CDH18: variants seen among roughly 807,000 people sequenced by gnomAD.
CDH18 encodes cadherin-18.
Under a neutral mutation model 67.9 loss-of-function variants are expected in CDH18, and 31 were observed. The ratio of observed to expected loss-of-function variants is 0.46; its 90% confidence interval spans 0.34 to 0.62. The LOEUF (loss-of-function observed/expected upper bound fraction) is 0.62, where lower values mean the gene tolerates loss of function less well. Among genes scored for constraint, CDH18 ranks in the 20% least tolerant of loss-of-function variants. The pLI is 0.01. For missense variants in CDH18, 890 were observed against 975.5 expected (o/e 0.91, Z 1.17); for synonymous variants, 362 against 347.2 (o/e 1.04, Z -0.48).
At chr5:19,795,028 T>TCCCA (rs1227598764) in intron 3 of CDH18, among the ~76,000 whole-genome samples, 1 of 152,014 alleles carries the variant, frequency 6.6e-6, no homozygotes, top group Non-Finnish European at 1.5e-5. Flanking sequence ...GTGTTTCCTG[T>TCCCA]CCCACAACCT....
At chr5:19,866,466 G>A (rs1395898533) in intron 2 of CDH18, among the ~76,000 whole-genome samples, 1 of 152,166 alleles carries the variant, frequency 6.6e-6, no homozygotes, top group African/African-American at 2.4e-5. Context: ...ATGCAGCTGG[G>A]TTTTGTCAGA....
chr5:19,748,135 A>AAAAAAAAAAAAAAAAAG (rs1770360306), intron 3 of CDH18, among the ~76,000 whole-genome samples: 1 of 135,492 alleles, frequency 7.4e-6, no homozygotes, highest in Non-Finnish European at 1.6e-5. Flanking sequence ...AAAAAAAAAG[A>AAAAAAAAAAAAAAAAAG]GTACTTTTTT....
chr5:20,103,445 T>A (rs1460824792), intron 2 of CDH18, among the ~76,000 whole-genome samples: 1 of 151,672 alleles, frequency 6.6e-6, no homozygotes, highest in African/African-American at 2.4e-5. Flanking sequence ...CATAAAAATA[T>A]ACTGGCGCAG....
intron 1 of CDH18, among the ~76,000 whole-genome samples, chr5:20,418,270 T>C (rs1472440027): frequency 2.1e-5 from 3 of 145,366 alleles, no homozygotes; most frequent in Admixed American, 6.9e-5. Context: ...TTTTTTTGTA[T>C]TTTCAGTAGA....
chr5:20,109,344 G>A (rs1475548754), intron 2 of CDH18, among the ~76,000 whole-genome samples: 1 of 152,130 alleles, frequency 6.6e-6, no homozygotes, highest in East Asian at 1.9e-4. Context: ...TTTCATTATC[G>A]GCAACATGCA....
At chr5:19,774,736 TG>T (rs1170099121) in intron 3 of CDH18, among the ~76,000 whole-genome samples, 1 of 132,216 alleles carries the variant, frequency 7.6e-6, no homozygotes, top group Non-Finnish European at 1.5e-5. Flanking sequence ...ACAGGAGAAT[TG>T]AAGTGGAGTT....
intron 12 of CDH18, among the ~76,000 whole-genome samples, chr5:19,481,353 C>G (rs563103599): frequency 6.6e-6 from 1 of 152,254 alleles, no homozygotes; most frequent in East Asian, 1.9e-4. Context: ...ATGCAGGTAT[C>G]TACATTATCA....
rs1490607980 is a variant in CDH18 at position 20,333,573 on chromosome 5, A to G, written c.-579-78068T>C. Among the ~76,000 whole-genome samples the G allele has an allele frequency of 3.3e-5, 5 of 150,334 alleles. No individual in the cohort carries two copies. In the East Asian group the frequency reaches 9.7e-4, roughly 29 times the overall value. On this transcript the variant is annotated intron_variant, in intron 1 of 14. Transcript: ENST00000507958. The stretch of plus-strand genomic sequence containing the variant: ...CACATATATGTATATATATATATTT[A>G]TATATATCTTTCATGTTTATAAAGG...
At chr5:20,206,184 A>C (rs887936727) in intron 2 of CDH18, among the ~76,000 whole-genome samples, 3 of 151,904 alleles carry the variant, frequency 2.0e-5, no homozygotes, top group African/African-American at 7.2e-5. Context: ...AAATGCAAAA[A>C]TCATTAGACA....
chr5:19,514,410 G>A (rs375415094), intron 10 of CDH18, among the ~76,000 whole-genome samples: 2 of 152,160 alleles, frequency 1.3e-5, no homozygotes, highest in Non-Finnish European at 2.9e-5. Flanking sequence ...AGATCCTTGA[G>A]GAATCTCCAC....
At chr5:20,296,556 C>A (rs924740630) in intron 1 of CDH18, among the ~76,000 whole-genome samples, 1 of 152,046 alleles carries the variant, frequency 6.6e-6, no homozygotes, top group African/African-American at 2.4e-5. Flanking sequence ...CCACCGCCCC[C>A]GGCCCACTAA....
chr5:19,574,808 C>T (rs991328418), intron 7 of CDH18, among the ~76,000 whole-genome samples: 2 of 151,672 alleles, frequency 1.3e-5, no homozygotes, highest in Non-Finnish European at 2.9e-5. Context: ...TTTGGGAGGC[C>T]GAGGTGGGCG....
intron 1 of CDH18, among the ~76,000 whole-genome samples, chr5:20,409,007 A>G (rs879364986): frequency 1.3e-5 from 2 of 151,906 alleles, no homozygotes; most frequent in Admixed American, 6.6e-5. Context: ...ATAAAAGAAT[A>G]AATTGACTAG....
intron 1 of CDH18, among the ~76,000 whole-genome samples, chr5:20,493,659 T>G (rs111594668): frequency 1.1e-3 from 170 of 152,162 alleles, no homozygotes; most frequent in Middle Eastern, 3.4e-3. Flanking sequence ...CTTATATAAT[T>G]CATTTGGGAG....
intron 5 of CDH18, among the ~76,000 whole-genome samples, chr5:19,622,694 C>T (rs1426085418): frequency 6.6e-6 from 1 of 152,142 alleles, no homozygotes; most frequent in African/African-American, 2.4e-5. Flanking sequence ...TCTGCAATCA[C>T]ATGGAGAAAG....
chr5:19,994,486 A>C (rs1451446995), intron 2 of CDH18, among the ~76,000 whole-genome samples: 1 of 150,132 alleles, frequency 6.7e-6, no homozygotes, highest in Non-Finnish European at 1.5e-5. Flanking sequence ...TCCGTTTATA[A>C]ATTTTTCCTG....
chr5:19,924,149 A>G (rs1447984724), intron 2 of CDH18, among the ~76,000 whole-genome samples: 1 of 138,420 alleles, frequency 7.2e-6, no homozygotes, highest in Non-Finnish European at 1.6e-5. Context: ...TTAAACAAAA[A>G]CTATACTCAG....
chr5:20,393,410 T>G (rs1173009747), intron 1 of CDH18, among the ~76,000 whole-genome samples: 3 of 152,006 alleles, frequency 2.0e-5, no homozygotes, highest in African/African-American at 4.8e-5. Flanking sequence ...TTTAAATAAC[T>G]AAAAGGCGTT....
In CDH18 at chr5:19,540,713, T is replaced by A. The variant is rs546685753; in HGVS notation, c.1390+3156A>T. ...CACTGCCCAAGCTATACCTTGGCCC[T>A]TTTTTGCCACAGCTGGTGCGACTGG... On this transcript the variant is annotated intron_variant, in intron 9 of 12. Coordinates refer to ENST00000382275, the MANE Select transcript of CDH18 (RefSeq NM_004934.5). 7.2e-5 allele frequency among the ~76,000 whole-genome samples: 11 copies of A among 152,180 alleles called. No individual in the cohort carries two copies. In the East Asian group the frequency reaches 1.9e-3, roughly 27 times the overall value.
Sources: allele counts gnomAD v4.1 joint callset (sites outside exome capture counted in the v4.1 genomes callset), GRCh38; gene constraint gnomAD v4.1.1; transcripts MANE v1.5; gene names NCBI Gene and HGNC (gene_info 2026-07-23, HGNC 2026-07-21).